The following NAT9 variants were observed in gnomAD, a reference collection of about 807,000 sequenced individuals.
NAT9 encodes the protein N-acetyltransferase 9, also known as alpha/beta-tubulin-N-acetyltransferase 9.
Under a neutral mutation model 24.0 loss-of-function variants are expected in NAT9, and 18 were observed. The ratio of observed to expected loss-of-function variants is 0.75; its 90% CI spans 0.52 to 1.11. NAT9 has a LOEUF of 1.11. NAT9 is among the 50% of genes most tolerant of loss of function. The pLI, the probability that NAT9 is intolerant of heterozygous loss-of-function variation, is 0.00. For missense variants in NAT9, 254 were observed against 258.6 expected, an observed-to-expected ratio of 0.98 and a Z score of 0.12; for synonymous variants, 104 against 102.3, an observed-to-expected ratio of 1.02 and a Z score of -0.10.
In NAT9 at chr17:74,771,291, T is replaced by A. The variant is rs1157306809; in HGVS notation, c.*433A>T. On this transcript the variant is annotated 3_prime_UTR_variant, in exon 7 of 7. Coordinates refer to ENST00000357814, the MANE Select transcript of NAT9 (RefSeq NM_015654.5). ...TGAGGCTGGGGCTCGTGGTAGCTCT[T>A]CACATGGACCAAACGGGAAAATCAG... is the stretch of plus-strand genomic sequence containing the variant. 9.4e-6 allele frequency: 2 copies of A among 213,204 alleles called. No homozygotes were observed. The highest frequency in any genetic ancestry group is 1.9e-5 in the Non-Finnish European group (2 of 103,142). 13.2% of individuals were successfully genotyped at this position (213,204 alleles called of 1,614,324 possible). A position where few individuals can be genotyped will look rare whatever the true frequency, so the allele number is the denominator to read the frequency against.
At chr17:74,772,760 C>A in intron 4 of NAT9, 136 bp downstream of exon 4, 1 of 1,360,280 alleles carries the variant, frequency 7.4e-7, no homozygotes, top group East Asian at 2.4e-5. Flanking sequence ...GGCAGGCTGC[C>A]CAGCCAGGCC....
At position 74,772,954 on chromosome 17, in the gene NAT9, G is replaced by T; in HGVS notation, c.276C>A (p.Asn92Lys). The T allele has an allele frequency of 1.9e-6, 3 of 1,614,160 alleles. No homozygotes were observed. Among genetic ancestry groups the T allele is most frequent in the South Asian group, 2.2e-5 (2 of 91,076 alleles). The change falls in exon 4 of 7, where the codon AAC (asparagine) becomes AAA (lysine). Residue 92 changes from asparagine (N) to lysine (K), a missense_variant. Asn to Lys is a moderately conservative substitution (Grantham distance 94, BLOSUM62 0). Coordinates refer to ENST00000357814, the MANE Select transcript of NAT9 (RefSeq NM_015654.5). ...GGTCTTCTAGATCTGTGAGGAAGAG[G>T]TTCACATCTCCCACCATGCAGCTCT... ...TEESCMVGDV[N>K]LFLTDLEDLT...
At position 74,772,970 on chromosome 17, in the gene NAT9, A is replaced by T; in HGVS notation, c.260T>A (p.Met87Lys). The change falls in exon 4 of 7, where the codon ATG becomes AAG. Residue 87 changes from methionine (M) to lysine (K), a missense_variant. Transcript: ENST00000357814. The stretch of plus-strand genomic sequence containing the variant: ...GAGGAAGAGGTTCACATCTCCCACC[A>T]TGCAGCTCTCTTCGGTGGCGCCTGG... ...AQPGATEESC[M>K]VGDVNLFLTD... The T allele has an allele frequency of 6.2e-7, 1 of 1,614,144 alleles. No individual in the cohort carries two copies. The highest frequency in any genetic ancestry group is 8.5e-7 in the Non-Finnish European group (1 of 1,180,018).
rs772792427 is a variant in NAT9, at chr17:74,771,948, G to A, written c.489+12C>T. The A allele has an allele frequency of 1.2e-6, 2 of 1,614,080 alleles. No homozygotes were observed. Among genetic ancestry groups the A allele is most frequent in the Admixed American group, 3.3e-5 (2 of 60,006 alleles). The stretch of plus-strand genomic sequence containing the variant: ...CAGGTCTAAGCCCCACTCTGCCCCA[G>A]GACATCCTTACCTGCTCAAAGTGAA... On this transcript the variant is annotated intron_variant, in intron 6 of 6. Transcript: ENST00000357814.
rs749782358 is a variant in NAT9, at chr17:74,772,044, C to T, written c.405G>A (p.Thr135=). The change falls in exon 6 of 7, where the codon ACG becomes ACA. Residue 135 remains threonine (T), a synonymous_variant. Coordinates refer to ENST00000357814, the MANE Select transcript of NAT9 (RefSeq NM_015654.5). ...TAGCCTCAAACTTGGTCAGACCTAG[C>T]GTGGTCACTCCTCGCAGAGGAGATG... ...VLAMLSYGVT[T]LGLTKFEAKI... is the part of the protein sequence containing the mutation. 3 of 1,614,202 alleles carry T rather than the reference C, an allele frequency of 1.9e-6. No individual in the cohort carries two copies. Among genetic ancestry groups the T allele is most frequent in the Middle Eastern group, 1.6e-4 (1 of 6,062 alleles).
At chr17:74,775,853 C>T (rs1446509369) in intron 1 of NAT9, 146 bp from the exon 2 acceptor site, 2 of 569,246 alleles carry the variant, frequency 3.5e-6, no homozygotes, top group Admixed American at 6.2e-5. Context: ...CTCCAAAATT[C>T]TTGCAAGAAA....
At chr17:74,774,305 A>G (rs544958405) in intron 2 of NAT9, among the ~76,000 whole-genome samples, 9 of 152,266 alleles carry the variant, frequency 5.9e-5, no homozygotes, top group African/African-American at 1.9e-4. Context: ...TTCCACGTTT[A>G]GTTTACATAA....
intron 4 of NAT9, chr17:74,772,538 CTG>C (rs2144178857): frequency 7.1e-7 from 1 of 1,410,202 alleles, no homozygotes; most frequent in East Asian, 2.6e-5. Flanking sequence ...TTGGGGGAAA[CTG>C]AGGACCATGA....
rs1191115680 is a variant in NAT9 at position 74,771,710 on chromosome 17, A to C, written c.*14T>G. 3 of 1,612,930 alleles carry C rather than the reference A, an allele frequency of 1.9e-6. No individual in the cohort carries two copies. In the East Asian group the frequency reaches 6.7e-5, roughly 36 times the overall value. ...CCCTGCTCACACAGAGTGGCTGCCC[A>C]CAAGGCCCAGCCATCAGCAGGGCTC... On this transcript the variant is annotated 3_prime_UTR_variant, in exon 7 of 7. Transcript: ENST00000357814.
chr17:74,773,049 A>T lies in NAT9; in HGVS notation c.191-10T>A, dbSNP rs1158459397. ...ACAATGAAGGTACACTCTGAGGAGG[A>T]GGTGACAGGGCTATCACACACACTC... On this transcript the variant is annotated splice_polypyrimidine_tract_variant and intron_variant, in intron 3 of 6. Coordinates refer to ENST00000357814, the MANE Select transcript of NAT9 (RefSeq NM_015654.5). 6 of 1,613,188 alleles carry T rather than the reference A, an allele frequency of 3.7e-6. No homozygotes were observed. Among genetic ancestry groups the T allele is most frequent in the Admixed American group, 1.7e-5 (1 of 59,944 alleles).
In NAT9 at chr17:74,773,663, C is replaced by A; in HGVS notation, c.103G>T (p.Glu35Ter). Residue 35 changes from glutamate (E) to a stop codon, truncating the protein, a stop_gained, in exon 3 of 7, where the codon GAG becomes TAG. Coordinates refer to ENST00000357814, the MANE Select transcript of NAT9 (RefSeq NM_015654.5). LOFTEE classifies it high-confidence loss of function. ...PSRYHEWMKS[E>*]ELQRLTASEP... ...GAGGCTGTCAAACGCTGCAGCTCCT[C>A]TGATTTCATCCACTCGTGGTACCTG... is the stretch of plus-strand genomic sequence containing the variant. 6.2e-7 allele frequency: 1 copy of A among 1,614,104 alleles called. No individual in the cohort carries two copies. Among genetic ancestry groups the A allele is most frequent in the Non-Finnish European group, 8.5e-7 (1 of 1,179,990 alleles).
Position 74,771,690 on chromosome 17 carries a change from C to T in NAT9, c.*34G>A, listed in dbSNP as rs1177952602. ...TGAAGTGTATGGGCCCAACACCCTG[C>T]TCACACAGAGTGGCTGCCCACAAGG... On this transcript the variant is annotated 3_prime_UTR_variant, in exon 7 of 7. Coordinates refer to ENST00000357814, the MANE Select transcript of NAT9 (RefSeq NM_015654.5). 1.1e-5 allele frequency: 18 copies of T among 1,612,218 alleles called. No homozygotes were observed. Among genetic ancestry groups the T allele is most frequent in the Non-Finnish European group, 1.5e-5 (18 of 1,179,882 alleles).
chr17:74,775,543 G>T, intron 2 of NAT9, 79 bp downstream of exon 2: 2 of 1,189,256 alleles, frequency 1.7e-6, no homozygotes, highest in Non-Finnish European at 2.4e-6. Flanking sequence ...CTTCTTAGGG[G>T]AAATAGCCCT....
Position 74,775,581 on chromosome 17 carries a change from C to G in NAT9, c.77+41G>C, listed in dbSNP as rs962553893. 7 of 1,532,648 alleles carry G rather than the reference C, an allele frequency of 4.6e-6. No individual in the cohort carries two copies. In the African/African-American group the frequency reaches 6.8e-5, roughly 15 times the overall value. The allele number at this position is 1,532,648 out of a possible 1,614,324, so 94.9% of individuals were successfully genotyped here. A position where few individuals can be genotyped will look rare whatever the true frequency, so the allele number is the denominator to read the frequency against. On this transcript the variant is annotated intron_variant, in intron 2 of 6. Coordinates refer to ENST00000357814, the MANE Select transcript of NAT9 (RefSeq NM_015654.5). ...GACTGGGGCTGTACCTTACACAGCT[C>G]TGGGTGCTGATACGCACCCCATGTC...
At chr17:74,773,074 C>A in intron 3 of NAT9, 35 bp from the exon 4 acceptor site, 1 of 1,608,700 alleles carries the variant, frequency 6.2e-7, no homozygotes. Context: ...CACACACACT[C>A]CCCAGAGGAG....
In NAT9 at chr17:74,771,671, G is replaced by A. The variant is rs929735208; in HGVS notation, c.*53C>T. ...AGTGCAGGGCTCTGGTCTTTGAAGTGTATGGGCCCAACACCCTGCTCACAC... is the reference window on the plus strand; with the variant it reads ...AGTGCAGGGCTCTGGTCTTTGAAGTATATGGGCCCAACACCCTGCTCACAC... On this transcript the variant is annotated 3_prime_UTR_variant, in exon 7 of 7. Transcript: ENST00000357814. The A allele has an allele frequency of 3.7e-6, 6 of 1,608,218 alleles. No individual in the cohort carries two copies. The highest frequency in any genetic ancestry group is 4.2e-6 in the Non-Finnish European group (5 of 1,178,308).
At chr17:74,772,674 G>A (rs2035387689) in intron 4 of NAT9, 13 of 1,175,508 alleles carry the variant, frequency 1.1e-5, no homozygotes, top group Admixed American at 3.0e-5. Context: ...CCAAACCAAG[G>A]GTTAAGTTCA....
Position 74,771,565 on chromosome 17 carries a change from G to A in NAT9, c.*159C>T. 3 of 1,171,242 alleles carry A rather than the reference G, an allele frequency of 2.6e-6. No individual in the cohort carries two copies. Among genetic ancestry groups the A allele is most frequent in the Non-Finnish European group, 3.5e-6 (3 of 847,244 alleles). The allele number at this position is 1,171,242 out of a possible 1,614,324, so 72.6% of individuals were successfully genotyped here. A position where few individuals can be genotyped will look rare whatever the true frequency, so the allele number is the denominator to read the frequency against. On this transcript the variant is annotated 3_prime_UTR_variant, in exon 7 of 7. Coordinates refer to ENST00000357814, the MANE Select transcript of NAT9 (RefSeq NM_015654.5). Reference sequence around the variant, plus strand: ...AGTCTGCTCAGCCACACCACTAGCTGGAGGGAGGCCACAGCAAGCCCCGCC... The same window carrying A: ...AGTCTGCTCAGCCACACCACTAGCTAGAGGGAGGCCACAGCAAGCCCCGCC...
Position 74,773,059 on chromosome 17 carries a change from GC to G in NAT9, c.191-21del. Reference sequence around the variant, plus strand: ...TACACTCTGAGGAGGAGGTGACAGGGCTATCACACACACTCCCCAGAGGAGA... The same window carrying G: ...TACACTCTGAGGAGGAGGTGACAGGGTATCACACACACTCCCCAGAGGAGA... On this transcript the variant is annotated intron_variant, in intron 3 of 6. Transcript: ENST00000357814. The G allele has an allele frequency of 6.2e-7, 1 of 1,612,318 alleles. No homozygotes were observed. The highest frequency in any genetic ancestry group is 8.5e-7 in the Non-Finnish European group (1 of 1,179,414).
Sources: allele counts gnomAD v4.1 joint callset (sites outside exome capture counted in the v4.1 genomes callset), GRCh38; gene constraint gnomAD v4.1.1; transcripts MANE v1.5; gene names NCBI Gene and HGNC (gene_info 2026-07-23, HGNC 2026-07-21).